The following PCDHGA4 variants were observed in gnomAD, a reference collection of about 807,000 sequenced individuals.
PCDHGA4 encodes protocadherin gamma subfamily A, 4.
In PCDHGA4, 38 loss-of-function variants were observed where a neutral mutation model predicts 54.6. That is an observed-to-expected ratio of 0.70 (90% CI 0.54 to 0.91). The LOEUF is 0.91. PCDHGA4 is among the 40% of genes least tolerant of loss of function. The pLI is 0.00. For synonymous variants in PCDHGA4, 511 were observed against 512.9 expected, an observed-to-expected ratio of 1.00 and a Z score of 0.05; for missense variants, 1,298 against 1,220.9, an observed-to-expected ratio of 1.06 and a Z score of -0.94.
intron 1 of PCDHGA4, among the ~76,000 whole-genome samples, chr5:141,484,184 AG>A (rs1328674334): frequency 6.6e-6 from 1 of 152,244 alleles, no homozygotes; most frequent in Non-Finnish European, 1.5e-5. Flanking sequence ...CAATCATTCA[AG>A]GAAGCTATTA....
intron 1 of PCDHGA4, chr5:141,409,341 G>A (rs753232321): frequency 1.9e-6 from 3 of 1,613,976 alleles, no homozygotes; most frequent in Non-Finnish European, 2.5e-6. Flanking sequence ...GGAGGAAATG[G>A]AGAAGTCAGG....
At position 141,486,905 on chromosome 5, in the gene PCDHGA4, C is replaced by G. The variant is rs1463391292; in HGVS notation, c.2515-7902C>G. On this transcript the variant is annotated intron_variant, in intron 1 of 3. Coordinates refer to ENST00000571252, the MANE Select transcript of PCDHGA4 (RefSeq NM_018917.4). This position sits in a 1 kb window ranked among gnomAD's most constrained non-coding sequence, Gnocchi z 5.0. ...GGCCCGGCCTGGTTCCTTATGTCCC[C>G]AAGCACTGCCTCCATCAGTTGGTGC... 1 of 1,614,250 alleles carries G rather than the reference C, an allele frequency of 6.2e-7. No individual in the cohort carries two copies. The highest frequency in any genetic ancestry group is 1.3e-5 in the African/African-American group (1 of 75,066).
At chr5:141,366,832 G>C in intron 1 of PCDHGA4, 1 of 1,518,404 alleles carries the variant, frequency 6.6e-7, no homozygotes, top group South Asian at 1.3e-5. Flanking sequence ...TTCAGAATCA[G>C]CTAGTTATGT....
At chr5:141,501,901 C>T (rs1595767273) in intron 2 of PCDHGA4, among the ~76,000 whole-genome samples, 1 of 152,070 alleles carries the variant, frequency 6.6e-6, no homozygotes, top group Non-Finnish European at 1.5e-5. Context: ...TGGTTCCAAC[C>T]CCACTGTTCC....
intron 1 of PCDHGA4, among the ~76,000 whole-genome samples, chr5:141,369,416 C>T (rs1766232805): frequency 6.6e-6 from 1 of 152,038 alleles, no homozygotes; most frequent in Non-Finnish European, 1.5e-5. Flanking sequence ...ACTATAATCC[C>T]AGCAATTTGG....
At chr5:141,448,216 G>A (rs766377717) in intron 1 of PCDHGA4, among the ~76,000 whole-genome samples, 41 of 152,046 alleles carry the variant, frequency 2.7e-4, no homozygotes, top group African/African-American at 1.7e-4. Context: ...GTGTGTATGC[G>A]AATGTATGTG....
At chr5:141,370,968 C>A (rs528172004) in intron 1 of PCDHGA4, 3 of 1,613,848 alleles carry the variant, frequency 1.9e-6, no homozygotes, top group East Asian at 2.2e-5. Flanking sequence ...CAGTAGGTAC[C>A]CAGAGCTAGT....
intron 1 of PCDHGA4, among the ~76,000 whole-genome samples, chr5:141,448,581 T>A (rs570781751): frequency 2.0e-5 from 3 of 152,274 alleles, no homozygotes; most frequent in African/African-American, 7.2e-5. Context: ...CCATTTTTTT[T>A]ACAAAAAGAT....
chr5:141,377,979 G>T (rs887213407), intron 1 of PCDHGA4: 4 of 152,086 alleles, frequency 2.6e-5, no homozygotes, highest in Non-Finnish European at 5.9e-5. Context: ...ATGTTCCTGG[G>T]TTGCAATCCT....
rs756709819 is a variant in PCDHGA4, at chr5:141,356,058, C to T, written c.951C>T (p.Asp317=). 7 of 1,613,866 alleles carry T rather than the reference C, an allele frequency of 4.3e-6. No individual in the cohort carries two copies. In the Admixed American group the frequency reaches 1.0e-4, roughly 23 times the overall value. The change falls in exon 1 of 4, where the codon GAC becomes GAT. Residue 317 remains aspartate, a synonymous_variant. Coordinates refer to ENST00000571252, the MANE Select transcript of PCDHGA4 (RefSeq NM_018917.4). The part of the protein sequence containing the change: ...DVTYSFRKVR[D]KISQLFQLNS... ...CGTATTCTTTCCGGAAAGTAAGAGACAAAATATCACAGCTATTTCAGTTGA... is the reference window on the plus strand; with the variant it reads ...CGTATTCTTTCCGGAAAGTAAGAGATAAAATATCACAGCTATTTCAGTTGA...
At chr5:141,471,021 A>C (rs1399168691) in intron 1 of PCDHGA4, among the ~76,000 whole-genome samples, 1 of 136,940 alleles carries the variant, frequency 7.3e-6, no homozygotes, top group African/African-American at 2.7e-5. Flanking sequence ...CTGGTCAATC[A>C]TTTTTATTAA....
At chr5:141,383,526 C>T in intron 1 of PCDHGA4, 1 of 1,612,534 alleles carries the variant, frequency 6.2e-7, no homozygotes, top group Non-Finnish European at 8.5e-7. Flanking sequence ...GGGTTCACCA[C>T]CTGGTCCTCA....
At chr5:141,399,318 G>A (rs772027563) in intron 1 of PCDHGA4, 19 of 1,613,830 alleles carry the variant, frequency 1.2e-5, no homozygotes, top group East Asian at 4.5e-5. Context: ...CCAAAAATTC[G>A]TATAAGTTGG....
intron 1 of PCDHGA4, chr5:141,421,565 A>T (rs1373619696): frequency 1.2e-6 from 2 of 1,613,834 alleles, no homozygotes; most frequent in Admixed American, 3.3e-5. Context: ...CTCGTGGAAG[A>T]CACCTTGAAG....
intron 1 of PCDHGA4, chr5:141,361,239 G>T: frequency 6.2e-7 from 1 of 1,613,958 alleles, no homozygotes; most frequent in Non-Finnish European, 8.5e-7. Context: ...TGATCGCCTT[G>T]ATAAAAACGA....
At chr5:141,419,265 C>T in intron 1 of PCDHGA4, 1 of 1,614,040 alleles carries the variant, frequency 6.2e-7, no homozygotes, top group Non-Finnish European at 8.5e-7. Flanking sequence ...CAGCCGGGTG[C>T]CTCCATAGCG....
At chr5:141,364,167 G>A in intron 1 of PCDHGA4, 1 of 724,670 alleles carries the variant, frequency 1.4e-6, no homozygotes, top group Non-Finnish European at 2.0e-6. Context: ...GAGGCGACCC[G>A]ACTCTGCTCC....
chr5:141,510,621 A>G (rs1317150967), intron 3 of PCDHGA4, among the ~76,000 whole-genome samples: 1 of 152,176 alleles, frequency 6.6e-6, no homozygotes, highest in Non-Finnish European at 1.5e-5. Flanking sequence ...CACTAAAACC[A>G]GAAGAGGTGG....
intron 1 of PCDHGA4, chr5:141,379,735 C>G (rs1775784648): frequency 2.0e-5 from 3 of 152,002 alleles, no homozygotes; most frequent in Admixed American, 6.6e-5. Flanking sequence ...TAAGTTATGG[C>G]TAAATGAGGT....
Sources: allele counts gnomAD v4.1 joint callset (sites outside exome capture counted in the v4.1 genomes callset), GRCh38; gene constraint gnomAD v4.1.1; non-coding constraint Gnocchi (gnomAD v3.1); transcripts MANE v1.5; gene names NCBI Gene and HGNC (gene_info 2026-07-23, HGNC 2026-07-21).